The following KANK1 variants were observed in gnomAD, a reference collection of about 807,000 sequenced individuals.
KANK1 encodes KN motif and ankyrin repeat domain-containing protein 1.
KANK1 carries 109 observed loss-of-function variants against 106.2 expected under a neutral mutation model. The ratio of observed to expected loss-of-function variants is 1.03; its 90% CI spans 0.88 to 1.20. KANK1 has a LOEUF of 1.20. Ranked by LOEUF, KANK1 falls within the 50% of genes most tolerant of loss-of-function variation. The pLI is 0.00. For synonymous variants in KANK1, 873 were observed against 652.2 expected (o/e 1.34, Z -5.16); for missense variants, 2,399 against 1,710.7 (o/e 1.40, Z -7.10).
chr9:659,333 G>A (rs1295698320), intron 1 of KANK1, among the ~76,000 whole-genome samples: 1 of 152,140 alleles, frequency 6.6e-6, no homozygotes, highest in Non-Finnish European at 1.5e-5. Flanking sequence ...TAGGGATTTT[G>A]AGAACTTTTG....
intron 1 of KANK1, among the ~76,000 whole-genome samples, chr9:600,727 A>T (rs961342360): frequency 2.0e-5 from 3 of 151,722 alleles, no homozygotes; most frequent in South Asian, 2.1e-4. Context: ...GCTGGCAGTC[A>T]TTTTTAAATA....
rs2060989194 is a variant in KANK1 at position 547,273 on chromosome 9, A to T, written c.-84+42519A>T. ...CAGTATCTTGGGTTCAATTAACAAG[A>T]AAGTCTACAGTAACATTTTGTCAAT... is the stretch of plus-strand genomic sequence containing the variant. On this transcript the variant is annotated intron_variant, in intron 1 of 11. Transcript: ENST00000382297. 3 of 152,218 alleles carry T rather than the reference A, an allele frequency of 2.0e-5. 1 individual carries two copies. The South Asian group carries it at 6.2e-4, about 32-fold the overall frequency. 9.4% of individuals were successfully genotyped at this position (152,218 alleles called of 1,614,324 possible).
Position 732,448 on chromosome 9 carries a change from G to C in KANK1, c.3076G>C (p.Asp1026His). 6.2e-7 allele frequency: 1 copy of C among 1,614,158 alleles called. No homozygotes were observed. The highest frequency in any genetic ancestry group is 8.5e-7 in the Non-Finnish European group (1 of 1,180,016). ...SSSSESDDEC[D>H]VIEYPLEEEE... ...TTCTTCCGAGTCAGATGACGAGTGTGATGTCATTGAGTATCCTCTTGAAGA... is the reference window on the plus strand; with the variant it reads ...TTCTTCCGAGTCAGATGACGAGTGTCATGTCATTGAGTATCCTCTTGAAGA... The change falls in exon 6 of 12, where the codon GAT becomes CAT. Residue 1026 changes from aspartate (D) to histidine (H), a missense_variant. Coordinates refer to ENST00000382297, the MANE Select transcript of KANK1 (RefSeq NM_015158.5).
In KANK1 at chr9:725,083, C is replaced by T. The variant is rs186250775; in HGVS notation, c.2699-4968C>T. ...GAGGAAGTTGGAGTTGTAAAGGAAT[C>T]GTCCAGGTAGCCCCCATGTCCCACA... On this transcript the variant is annotated intron_variant, in intron 3 of 11. Coordinates refer to ENST00000382297, the MANE Select transcript of KANK1 (RefSeq NM_015158.5). 7.5e-4 allele frequency among the ~76,000 whole-genome samples: 114 copies of T among 152,238 alleles called. 3 individuals carry two copies. In the Middle Eastern group the frequency reaches 0.024, roughly 32 times the overall value.
At chr9:682,211 C>T (rs182574459) in intron 2 of KANK1, among the ~76,000 whole-genome samples, 1 of 150,942 alleles carries the variant, frequency 6.6e-6, no homozygotes, top group Admixed American at 6.6e-5. Context: ...ACCCGGGAGA[C>T]GAAGGTTGCA....
At chr9:684,248 G>A in intron 2 of KANK1, 1 of 985,362 alleles carries the variant, frequency 1.0e-6, no homozygotes, top group Non-Finnish European at 1.2e-6. Flanking sequence ...CTCCAGCTAA[G>A]CCAAGAAAGG....
intron 1 of KANK1, among the ~76,000 whole-genome samples, chr9:622,001 C>T (rs902487365): frequency 2.0e-5 from 3 of 152,074 alleles, no homozygotes; most frequent in African/African-American, 7.2e-5. Context: ...GTTTGGTTTT[C>T]ATTAAAAATT....
At chr9:684,418 A>G (rs1818151721) in intron 2 of KANK1, 1 of 985,290 alleles carries the variant, frequency 1.0e-6, no homozygotes, top group Non-Finnish European at 1.2e-6. Flanking sequence ...AAAAACACAT[A>G]CAAAATAAAC....
chr9:685,495 C>T (rs544718695), intron 2 of KANK1: 3 of 152,084 alleles, frequency 2.0e-5, no homozygotes, highest in South Asian at 2.1e-4. Flanking sequence ...AGGATTTGTT[C>T]GTATCCTGAA....
At chr9:716,377 C>A (rs899053513) in intron 3 of KANK1, among the ~76,000 whole-genome samples, 1 of 152,168 alleles carries the variant, frequency 6.6e-6, no homozygotes, top group African/African-American at 2.4e-5. Context: ...AAATGTAGAT[C>A]TAGAACAAAT....
At chr9:567,524 G>C (rs753130807) in intron 1 of KANK1, among the ~76,000 whole-genome samples, 2 of 152,206 alleles carry the variant, frequency 1.3e-5, no homozygotes, top group African/African-American at 2.4e-5. Flanking sequence ...GCAAGGGTCA[G>C]ATATCTCTTA....
intron 3 of KANK1, among the ~76,000 whole-genome samples, chr9:719,875 C>A (rs1000069709): frequency 6.6e-6 from 1 of 152,170 alleles, no homozygotes; most frequent in African/African-American, 2.4e-5. Context: ...CTCCCACCTT[C>A]CAGCTCTAGT....
At chr9:576,220 TC>T (rs1292034033) in intron 1 of KANK1, among the ~76,000 whole-genome samples, 12 of 152,218 alleles carry the variant, frequency 7.9e-5, no homozygotes, top group African/African-American at 2.9e-4. Context: ...TGATAAAGTT[TC>T]AGTACCACTA....
chr9:560,916 C>T (rs1816250962), intron 1 of KANK1, among the ~76,000 whole-genome samples: 1 of 152,130 alleles, frequency 6.6e-6, no homozygotes, highest in African/African-American at 2.4e-5. Flanking sequence ...AGTAGCAGCT[C>T]TTGTTAAAAA....
At chr9:486,904 AT>A (rs2058302542) in intron 3 of KANK1, among the ~76,000 whole-genome samples, 1 of 152,176 alleles carries the variant, frequency 6.6e-6, no homozygotes, top group Non-Finnish European at 1.5e-5. Context: ...CAAAAGTCTA[AT>A]TTTTATGTCT....
At chr9:635,412 A>T (rs368261754) in intron 1 of KANK1, among the ~76,000 whole-genome samples, 3 of 151,992 alleles carry the variant, frequency 2.0e-5, no homozygotes, top group African/African-American at 4.8e-5. Context: ...GCTGCTCTCT[A>T]TTCCTTCATG....
intron 1 of KANK1, among the ~76,000 whole-genome samples, chr9:524,306 T>TG (rs1419486491): frequency 7.3e-5 from 11 of 151,032 alleles, no homozygotes; most frequent in African/African-American, 2.7e-4. Context: ...TTTTTGTTGT[T>TG]TTTTTTTTCT....
chr9:578,536 A>T (rs1459432937), intron 1 of KANK1, among the ~76,000 whole-genome samples: 1 of 151,948 alleles, frequency 6.6e-6, no homozygotes, highest in Non-Finnish European at 1.5e-5. Flanking sequence ...AAATATATCT[A>T]TTCTAATTGT....
intron 1 of KANK1, among the ~76,000 whole-genome samples, chr9:586,682 A>T (rs1823550652): frequency 6.6e-6 from 1 of 152,180 alleles, no homozygotes; most frequent in African/African-American, 2.4e-5. Context: ...GTGCTGAATT[A>T]TGTTTGTACT....
Sources: gnomAD v4.1 joint callset for allele counts (sites outside exome capture counted in the v4.1 genomes callset) on GRCh38, gnomAD v4.1.1 for gene constraint, MANE v1.5 for transcripts, NCBI Gene and HGNC (gene_info 2026-07-23, HGNC 2026-07-21) for gene names.